Variants in SCMH1 observed in about 807,000 individuals in gnomAD.
SCMH1 encodes polycomb protein SCMH1.
In SCMH1, 37 loss-of-function variants were observed where a neutral mutation model predicts 70.8. The ratio of observed to expected loss-of-function variants is 0.52; its 90% CI spans 0.40 to 0.69. SCMH1 has a LOEUF of 0.69. SCMH1 is among the 30% of genes least tolerant of loss of function. SCMH1 has a pLI of 0.00. For synonymous variants in SCMH1, 292 were observed against 307.4 expected, an observed-to-expected ratio of 0.95 and a Z score of 0.52; for missense variants, 607 against 827.3, an observed-to-expected ratio of 0.73 and a Z score of 3.27.
intron 10 of SCMH1, among the ~76,000 whole-genome samples, chr1:41,069,154 C>T (rs1655630719): frequency 6.6e-6 from 1 of 152,088 alleles, no homozygotes; most frequent in Admixed American, 6.5e-5. Context: ...TACTACATGG[C>T]TCAATTGAGA....
chr1:41,046,484 C>G, exon 12 of SCMH1: 1 of 1,614,166 alleles, frequency 6.2e-7, no homozygotes, highest in Non-Finnish European at 8.5e-7. Flanking sequence ...GGGCTGGTTG[C>G]CAAACAGATT....
intron 2 of SCMH1, among the ~76,000 whole-genome samples, chr1:41,162,125 G>A (rs529047303): frequency 6.6e-5 from 10 of 152,168 alleles, no homozygotes; most frequent in East Asian, 1.9e-4. Flanking sequence ...CTGCCGTGAC[G>A]GGCACAGCTG....
chr1:41,145,003 T>A (rs894071249), intron 5 of SCMH1, among the ~76,000 whole-genome samples: 2 of 152,202 alleles, frequency 1.3e-5, no homozygotes, highest in Admixed American at 6.5e-5. Flanking sequence ...TTACCAGATA[T>A]ATAATTCTCA....
At chr1:41,227,114 A>C (rs1420350674) in intron 1 of SCMH1, among the ~76,000 whole-genome samples, 1 of 152,210 alleles carries the variant, frequency 6.6e-6, no homozygotes, top group African/African-American at 2.4e-5. Context: ...TGATATACAA[A>C]TGACATTTTC....
chr1:41,045,420 G>C (rs1378565075), intron 12 of SCMH1, among the ~76,000 whole-genome samples: 1 of 152,178 alleles, frequency 6.6e-6, no homozygotes, highest in Non-Finnish European at 1.5e-5. Context: ...ATGAGGGAAA[G>C]GGGGAAGGAG....
chr1:41,048,852 G>C, exon 11 of SCMH1: 1 of 1,614,174 alleles, frequency 6.2e-7, no homozygotes, highest in Non-Finnish European at 8.5e-7. Flanking sequence ...TTATCTAAGT[G>C]GGGGCCTGTG....
intron 2 of SCMH1, among the ~76,000 whole-genome samples, chr1:41,180,458 A>G (rs574137999): frequency 3.5e-4 from 54 of 152,354 alleles, no homozygotes; most frequent in African/African-American, 1.3e-3. Context: ...TTGTATATCT[A>G]GAAAACCCCA....
chr1:41,089,787 CTTTT>C (rs373229472), intron 8 of SCMH1, among the ~76,000 whole-genome samples: 3,518 of 58,734 alleles, frequency 0.06, 110 homozygotes, highest in Non-Finnish European at 0.075. Context: ...CATGTTGTCT[CTTTT>C]TTTTTTTTTT....
chr1:41,166,639 T>G (rs1234141722), intron 2 of SCMH1, among the ~76,000 whole-genome samples: 2 of 144,028 alleles, frequency 1.4e-5, no homozygotes, highest in Non-Finnish European at 3.0e-5. Context: ...TAATTTCTTT[T>G]TCAGAAAGTT....
chr1:41,234,449 GCCT>G (rs1398551680), intron 1 of SCMH1, among the ~76,000 whole-genome samples: 1 of 129,438 alleles, frequency 7.7e-6, no homozygotes, highest in Non-Finnish European at 1.6e-5. Flanking sequence ...GAGCAACTCT[GCCT>G]CTTTTTTTTT....
chr1:41,209,007 A>C (rs1159107501), intron 1 of SCMH1, among the ~76,000 whole-genome samples: 3 of 152,244 alleles, frequency 2.0e-5, no homozygotes. Flanking sequence ...AAGAAAAGAG[A>C]GAAGAATCAA....
intron 5 of SCMH1, among the ~76,000 whole-genome samples, chr1:41,143,446 C>T (rs1210305820): frequency 1.3e-5 from 2 of 152,078 alleles, no homozygotes; most frequent in South Asian, 2.1e-4. Context: ...CTTTTTAGGA[C>T]TACTACGTCC....
intron 5 of SCMH1, among the ~76,000 whole-genome samples, chr1:41,143,505 A>C (rs367950889): frequency 6.6e-6 from 1 of 152,178 alleles, no homozygotes; most frequent in Non-Finnish European, 1.5e-5. Flanking sequence ...ATTTCAGTAT[A>C]TTGGTGTGTA....
chr1:41,162,235 C>A (rs1214276515), intron 2 of SCMH1, among the ~76,000 whole-genome samples: 1 of 152,186 alleles, frequency 6.6e-6, no homozygotes, highest in Admixed American at 6.5e-5. Context: ...CCTGCTCCCC[C>A]TGCCTGGCTT....
chr1:41,179,413 A>C (rs988839889), intron 2 of SCMH1, among the ~76,000 whole-genome samples: 1 of 152,212 alleles, frequency 6.6e-6, no homozygotes, highest in Non-Finnish European at 1.5e-5. Flanking sequence ...CTTCCAAAAA[A>C]TCAATGAATC....
At chr1:41,157,662 C>T (rs1435519317) in intron 4 of SCMH1, among the ~76,000 whole-genome samples, 1 of 152,198 alleles carries the variant, frequency 6.6e-6, no homozygotes, top group Non-Finnish European at 1.5e-5. Context: ...AATATTCAAG[C>T]TACAAAGGAC....
intron 6 of SCMH1, among the ~76,000 whole-genome samples, chr1:41,129,434 C>T (rs1282471429): frequency 6.6e-6 from 1 of 152,160 alleles, no homozygotes; most frequent in Admixed American, 6.6e-5. Context: ...GATGTCTCAT[C>T]TAAGTGAAAT....
At chr1:41,049,396 C>T (rs1411248315) in intron 10 of SCMH1, among the ~76,000 whole-genome samples, 1 of 151,202 alleles carries the variant, frequency 6.6e-6, no homozygotes, top group Non-Finnish European at 1.5e-5. Flanking sequence ...TGTTTTGGGC[C>T]TTAGGGTCCC....
At chr1:41,182,480 G>T (rs1649073214) in intron 2 of SCMH1, among the ~76,000 whole-genome samples, 1 of 152,190 alleles carries the variant, frequency 6.6e-6, no homozygotes, top group South Asian at 2.1e-4. Context: ...ACTTTGGGAG[G>T]CCAAGGCAGG....
Sources: gnomAD v4.1 joint callset for allele counts (sites outside exome capture counted in the v4.1 genomes callset) on GRCh38, gnomAD v4.1.1 for gene constraint, MANE v1.5 for transcripts, NCBI Gene and HGNC (gene_info 2026-07-23, HGNC 2026-07-21) for gene names.